Variants in TMEM163 observed in about 807,000 individuals in gnomAD.
TMEM163 encodes transmembrane protein 163.
In TMEM163, 17 loss-of-function variants were observed where a neutral mutation model predicts 29.3. The observed-to-expected ratio is 0.58, with a 90% CI of 0.40 to 0.87. The LOEUF is 0.87. Among genes scored for constraint, TMEM163 ranks in the 40% least tolerant of loss-of-function variants. TMEM163 has a pLI of 0.00. For synonymous variants in TMEM163, 157 were observed against 160.6 expected (o/e 0.98, Z 0.17); for missense variants, 303 against 381.5 (o/e 0.79, Z 1.71).
chr2:134,690,630 G>A (rs1343407923), intron 2 of TMEM163, among the ~76,000 whole-genome samples: 1 of 152,204 alleles, frequency 6.6e-6, no homozygotes, highest in Non-Finnish European at 1.5e-5. Flanking sequence ...CAAGGTGAAG[G>A]ATGGATTTCA....
At chr2:134,669,500 C>A (rs111259386) in intron 2 of TMEM163, among the ~76,000 whole-genome samples, 159 of 152,328 alleles carry the variant, frequency 1.0e-3, no homozygotes, top group African/African-American at 3.5e-3. Flanking sequence ...TAATTCCAAC[C>A]AAGTTCCCCA....
At chr2:134,610,913 C>T (rs1365876151) in intron 2 of TMEM163, among the ~76,000 whole-genome samples, 2 of 152,106 alleles carry the variant, frequency 1.3e-5, no homozygotes, top group African/African-American at 4.8e-5. Context: ...ATCCAAAGAG[C>T]TTCTATACCG....
chr2:134,577,440 A>G (rs1312990652), intron 2 of TMEM163, among the ~76,000 whole-genome samples: 4 of 152,210 alleles, frequency 2.6e-5, no homozygotes, highest in African/African-American at 9.6e-5. Flanking sequence ...CTGAGGCATC[A>G]GAAATACACA....
At chr2:134,676,674 C>T (rs900787604) in intron 2 of TMEM163, among the ~76,000 whole-genome samples, 1 of 152,276 alleles carries the variant, frequency 6.6e-6, no homozygotes, top group South Asian at 2.1e-4. Flanking sequence ...CTCTCACGGT[C>T]CCTCAACAGC....
rs1037781915 is a variant in TMEM163 at position 134,466,406 on chromosome 2, T to A, written c.556-181A>T. On this transcript the variant is annotated intron_variant, in intron 5 of 7. Transcript: ENST00000281924. ...ATGTGTCACCAGGAATTGGAAAAGATGCTCAAAAACAGATAATCCCAATTT... is the reference window on the plus strand; with the variant it reads ...ATGTGTCACCAGGAATTGGAAAAGAAGCTCAAAAACAGATAATCCCAATTT... 1.3e-4 allele frequency: 73 copies of A among 572,762 alleles called. No homozygotes were observed. In the East Asian group the frequency reaches 2.1e-3, roughly 16 times the overall value. The allele number at this position is 572,762 out of a possible 1,614,324, so 35.5% of individuals were successfully genotyped here.
Position 134,502,996 on chromosome 2 carries a change from C to T in TMEM163, c.460G>A (p.Ala154Thr), listed in dbSNP as rs1679732758. 5 of 1,612,440 alleles carry T rather than the reference C, an allele frequency of 3.1e-6. No homozygotes were observed. The South Asian group carries it at 3.3e-5, about 11-fold the overall frequency. Residue 154 changes from alanine to threonine, a missense_variant and splice_region_variant, in exon 5 of 8, where the codon GCC becomes ACC. Transcript: ENST00000281924. ...AATATCACCCCCAAGATGACACAGG[C>T]TCTGCAAAAAACAAAACATTGAGAA... Reference protein sequence around the residue: ...AVHSAHREYIACVILGVIFLL... With the variant: ...AVHSAHREYITCVILGVIFLL...
chr2:134,695,612 G>A (rs1013025302), intron 2 of TMEM163, among the ~76,000 whole-genome samples: 1 of 152,092 alleles, frequency 6.6e-6, no homozygotes, highest in African/African-American at 2.4e-5. Context: ...CCAAGATACA[G>A]TTGTTTTATA....
At position 134,580,805 on chromosome 2, in the gene TMEM163, CA is replaced by C. The variant is rs771930489; in HGVS notation, c.323-28715del. ...GTGCATGTCTGTAATCCCATGTACT[CA>C]GGGGGCTGAGGCAGGAGAATCGCTT... is the stretch of plus-strand genomic sequence containing the variant. On this transcript the variant is annotated intron_variant, in intron 2 of 7. Transcript: ENST00000281924. Among the ~76,000 whole-genome samples the C allele has an allele frequency of 3.4e-4, 51 of 152,112 alleles. 1 individual carries two copies. The highest frequency in any genetic ancestry group is 1.0e-4 in the Non-Finnish European group (7 of 68,006).
chr2:134,467,269 A>G (rs1169166243), intron 5 of TMEM163: 1 of 152,156 alleles, frequency 6.6e-6, no homozygotes, highest in Non-Finnish European at 1.5e-5. Context: ...TTGGAGATTA[A>G]TCTCCCCACC....
intron 2 of TMEM163, among the ~76,000 whole-genome samples, chr2:134,605,541 T>C (rs139693297): frequency 2.9e-3 from 446 of 151,782 alleles, no homozygotes; most frequent in African/African-American, 1.0e-2. Context: ...CTACTAAAAA[T>C]ACAAAAATTA....
chr2:134,600,026 C>T (rs1354196300), intron 2 of TMEM163, among the ~76,000 whole-genome samples: 20 of 152,138 alleles, frequency 1.3e-4, no homozygotes, highest in African/African-American at 4.8e-4. Flanking sequence ...CATTATAAAG[C>T]AAGTTCCTTG....
At chr2:134,695,737 C>T (rs1684564335) in intron 2 of TMEM163, among the ~76,000 whole-genome samples, 1 of 152,120 alleles carries the variant, frequency 6.6e-6, no homozygotes, top group Non-Finnish European at 1.5e-5. Context: ...TCTTTTACTT[C>T]CAGGTCAAAT....
intron 1 of TMEM163, chr2:134,713,543 T>G (rs1244407913): frequency 2.9e-6 from 2 of 688,482 alleles, no homozygotes; most frequent in South Asian, 3.0e-5. Context: ...CGTGTATTTC[T>G]GCAGGGTAAC....
intron 2 of TMEM163, among the ~76,000 whole-genome samples, chr2:134,658,027 A>G (rs1386857690): frequency 6.6e-6 from 1 of 152,172 alleles, no homozygotes; most frequent in Non-Finnish European, 1.5e-5. Context: ...AGACAAATAA[A>G]TAAACATTTG....
At chr2:134,697,256 T>C (rs1684602089) in intron 2 of TMEM163, among the ~76,000 whole-genome samples, 1 of 152,186 alleles carries the variant, frequency 6.6e-6, no homozygotes, top group Non-Finnish European at 1.5e-5. Context: ...TCACGTATAA[T>C]AATAAGGAGA....
At chr2:134,684,897 T>C (rs1159991641) in intron 2 of TMEM163, among the ~76,000 whole-genome samples, 7 of 138,474 alleles carry the variant, frequency 5.1e-5, no homozygotes, top group Non-Finnish European at 1.1e-4. Flanking sequence ...CACTCCAGCC[T>C]GGGAGACAGA....
chr2:134,538,347 G>C (rs1680587371), intron 4 of TMEM163, among the ~76,000 whole-genome samples: 1 of 152,100 alleles, frequency 6.6e-6, no homozygotes, highest in Non-Finnish European at 1.5e-5. Context: ...GACTTCCCAG[G>C]CTCCAGTACT....
intron 2 of TMEM163, among the ~76,000 whole-genome samples, chr2:134,633,952 TC>T (rs1455263758): frequency 8.7e-6 from 1 of 114,532 alleles, no homozygotes; most frequent in African/African-American, 3.3e-5. Context: ...TGAAACTGTC[TC>T]AAAAAAAAAA....
intron 4 of TMEM163, among the ~76,000 whole-genome samples, chr2:134,518,249 C>T (rs1211796447): frequency 2.0e-5 from 3 of 152,118 alleles, no homozygotes; most frequent in South Asian, 2.1e-4. Flanking sequence ...CCTAGAAGGG[C>T]GAGTTTCTGA....
Sources: allele counts gnomAD v4.1 joint callset (sites outside exome capture counted in the v4.1 genomes callset), GRCh38; gene constraint gnomAD v4.1.1; transcripts MANE v1.5; gene names NCBI Gene and HGNC (gene_info 2026-07-23, HGNC 2026-07-21).